The following GOLT1B variants were observed in gnomAD, a reference collection of about 807,000 sequenced individuals.
GOLT1B encodes the protein golgi transport 1B.
Under a neutral mutation model 15.4 loss-of-function variants are expected in GOLT1B, and 3 were observed. That is an observed-to-expected ratio of 0.19 (90% CI 0.09 to 0.50). The LOEUF is 0.50. Ranked by LOEUF, GOLT1B falls within the 20% of genes least tolerant of loss-of-function variation. The probability of loss-of-function intolerance (pLI) is 0.97; values close to 1 mark genes in which losing one functional copy is unlikely to be tolerated. For missense variants in GOLT1B, 145 were observed against 160.4 expected (o/e 0.90, Z 0.52); for synonymous variants, 65 against 56.2 (o/e 1.16, Z -0.70).
chr12:21,504,706 C>T lies in GOLT1B; in HGVS notation c.26-2179C>T, dbSNP rs1479229259. 7.0e-6 allele frequency: 3 copies of T among 429,718 alleles called. No individual in the cohort carries two copies. The Admixed American group carries it at 7.9e-5, about 11-fold the overall frequency. 26.6% of individuals were successfully genotyped at this position (429,718 alleles called of 1,614,324 possible). A position where few individuals can be genotyped will look rare whatever the true frequency, so the allele number is the denominator to read the frequency against. On this transcript the variant is annotated intron_variant, in intron 1 of 4. Transcript: ENST00000229314. ...ATATGAACCATAGGACCAGTGCTACCTTTTACCTCACAATTTTGTTAAAGA... is the reference window on the plus strand; with the variant it reads ...ATATGAACCATAGGACCAGTGCTACTTTTTACCTCACAATTTTGTTAAAGA...
At chr12:21,507,962 A>T (rs1013543894) in intron 2 of GOLT1B, 1 of 454,648 alleles carries the variant, frequency 2.2e-6, no homozygotes, top group Non-Finnish European at 4.4e-6. Context: ...GTAGCCTATG[A>T]TGAATATTTC....
rs1304627698 is a variant in GOLT1B at position 21,503,292 on chromosome 12, C to T, written c.25+1344C>T. Among the ~76,000 whole-genome samples the T allele has an allele frequency of 2.6e-5, 4 of 152,316 alleles. No homozygotes were observed. The East Asian group carries it at 7.7e-4, about 29-fold the overall frequency. On this transcript the variant is annotated intron_variant, in intron 1 of 4. Coordinates refer to ENST00000229314, the MANE Select transcript of GOLT1B (RefSeq NM_016072.5). Reference sequence around the variant, plus strand: ...AAGAGCCCTGTAAGGCTCACAGAAGCATGCCCCTTTCATAAGTTAAATGAG... The same window carrying T: ...AAGAGCCCTGTAAGGCTCACAGAAGTATGCCCCTTTCATAAGTTAAATGAG...
intron 4 of GOLT1B, among the ~76,000 whole-genome samples, chr12:21,513,274 T>TA (rs1725527081): frequency 6.6e-6 from 1 of 152,138 alleles, no homozygotes; most frequent in African/African-American, 2.4e-5. Context: ...AGTTAACAAA[T>TA]AGAGTTTCTT....
rs1943768339 is a variant in GOLT1B at position 21,518,002 on chromosome 12, A to G, written c.*2295A>G. On this transcript the variant is annotated 3_prime_UTR_variant, in exon 5 of 5. Coordinates refer to ENST00000229314, the MANE Select transcript of GOLT1B (RefSeq NM_016072.5). ...ATTGTTCAAGTGTATTTTCTGTAAC[A>G]GAAACATATTTGGAATGTTTTTCTT... 6.6e-6 allele frequency: 1 copy of G among 152,586 alleles called. No individual in the cohort carries two copies. Among genetic ancestry groups the G allele is most frequent in the Non-Finnish European group, 1.5e-5 (1 of 67,978 alleles). 9.5% of individuals were successfully genotyped at this position (152,586 alleles called of 1,614,324 possible).
intron 1 of GOLT1B, among the ~76,000 whole-genome samples, chr12:21,503,987 T>G (rs1018216445): frequency 6.6e-6 from 1 of 152,196 alleles, no homozygotes; most frequent in Admixed American, 6.5e-5. Flanking sequence ...TCCAGTACAG[T>G]TAATGTTCAA....
chr12:21,504,631 T>G (rs771636752), intron 1 of GOLT1B: 2 of 479,396 alleles, frequency 4.2e-6, no homozygotes, highest in Non-Finnish European at 8.3e-6. Context: ...TTTTGCTGCT[T>G]CTATGATCAA....
At chr12:21,511,322 C>T (rs993252231) in intron 3 of GOLT1B, among the ~76,000 whole-genome samples, 3 of 152,088 alleles carry the variant, frequency 2.0e-5, no homozygotes, top group African/African-American at 4.8e-5. Context: ...GGGGGAGGGT[C>T]GCAGATCCCC....
Position 21,508,447 on chromosome 12 carries a change from A to G in GOLT1B, c.182A>G (p.Gln61Arg). ...GLERTFRFFF[Q>R]KHKMKATGFF... ...GAAAGAACATTCAGATTCTTCTTCC[A>G]AAAACATAAAATGAAAGCTACAGGT... Residue 61 changes from glutamine to arginine, a missense_variant, in exon 3 of 5, where the codon CAA (glutamine) becomes CGA (arginine). Physicochemically the swap from Gln to Arg is conservative, Grantham distance 43. Coordinates refer to ENST00000229314, the MANE Select transcript of GOLT1B (RefSeq NM_016072.5). The G allele has an allele frequency of 1.3e-6, 2 of 1,596,620 alleles. No individual in the cohort carries two copies. The highest frequency in any genetic ancestry group is 2.2e-5 in the East Asian group (1 of 44,650).
intron 1 of GOLT1B, chr12:21,504,458 T>C: frequency 4.5e-6 from 2 of 442,838 alleles, no homozygotes; most frequent in South Asian, 3.2e-5. Flanking sequence ...AAAGATGTTT[T>C]GGGCAATGTC....
chr12:21,501,852 C>T lies in GOLT1B; in HGVS notation c.-72C>T, dbSNP rs1483180392. On this transcript the variant is annotated 5_prime_UTR_variant, in exon 1 of 5. Transcript: ENST00000229314. ...TCTCGCCTGGGCTGTTTCCCGGCTT[C>T]ATTTCTCCCGACTCAGCTTCCCACC... 4.6e-6 allele frequency: 5 copies of T among 1,091,922 alleles called. No homozygotes were observed. Among genetic ancestry groups the T allele is most frequent in the South Asian group, 3.8e-5 (3 of 78,052 alleles). The allele number at this position is 1,091,922 out of a possible 1,614,324, so 67.6% of individuals were successfully genotyped here.
At chr12:21,503,836 T>C (rs140655230) in intron 1 of GOLT1B, among the ~76,000 whole-genome samples, 80 of 149,754 alleles carry the variant, frequency 5.3e-4, no homozygotes, top group African/African-American at 2.0e-3. Flanking sequence ...TGGAAATTCA[T>C]GATTATTTTA....
At chr12:21,502,172 G>C (rs539857681) in intron 1 of GOLT1B, among the ~76,000 whole-genome samples, 111 of 152,322 alleles carry the variant, frequency 7.3e-4, no homozygotes, top group African/African-American at 2.5e-3. Flanking sequence ...GGCAGGGTGG[G>C]ACGCCCTATG....
intron 4 of GOLT1B, among the ~76,000 whole-genome samples, chr12:21,514,281 A>G (rs2136810708): frequency 6.6e-6 from 1 of 152,368 alleles, no homozygotes; most frequent in South Asian, 2.1e-4. Flanking sequence ...AGGGAAGTTA[A>G]TCAACTTTCT....
chr12:21,511,424 G>A (rs1241555068), intron 3 of GOLT1B, among the ~76,000 whole-genome samples: 4 of 141,560 alleles, frequency 2.8e-5, no homozygotes, highest in African/African-American at 7.7e-5. Context: ...GGTTTTTATG[G>A]AGGCTTCATT....
chr12:21,516,197 A>G lies in GOLT1B; in HGVS notation c.*490A>G, dbSNP rs1002653414. The stretch of plus-strand genomic sequence containing the variant: ...ATTTTAAAGTATTAAAACCAAGGAA[A>G]CCCCAATTTTGATGTATGGATTACT... On this transcript the variant is annotated 3_prime_UTR_variant, in exon 5 of 5. Transcript: ENST00000229314. The G allele has an allele frequency of 6.6e-6, 1 of 152,188 alleles. No homozygotes were observed. Among genetic ancestry groups the G allele is most frequent in the Non-Finnish European group, 1.5e-5 (1 of 68,026 alleles). 9.4% of individuals were successfully genotyped at this position (152,188 alleles called of 1,614,324 possible).
chr12:21,502,069 A>G, intron 1 of GOLT1B, 121 bp downstream of exon 1: 1 of 762,020 alleles, frequency 1.3e-6, no homozygotes, highest in Non-Finnish European at 2.3e-6. Context: ...CCTGCGAGAC[A>G]GAGCTAGGGC....
At chr12:21,510,721 T>G (rs1943713441) in intron 3 of GOLT1B, among the ~76,000 whole-genome samples, 1 of 152,256 alleles carries the variant, frequency 6.6e-6, no homozygotes, top group African/African-American at 2.4e-5. Context: ...GATTGTGATT[T>G]TCTTTGAAAC....
At chr12:21,504,737 T>C (rs890581521) in intron 1 of GOLT1B, among the ~76,000 whole-genome samples, 2 of 152,232 alleles carry the variant, frequency 1.3e-5, no homozygotes, top group African/African-American at 4.8e-5. Context: ...AAAGAAATTA[T>C]AAAATTTTTG....
intron 4 of GOLT1B, chr12:21,515,284 T>A (rs1325040302): frequency 2.3e-6 from 3 of 1,330,786 alleles, no homozygotes; most frequent in Non-Finnish European, 3.1e-6. Context: ...AGTTGAAATA[T>A]CTTATTGGGT....
Sources: allele counts gnomAD v4.1 joint callset (sites outside exome capture counted in the v4.1 genomes callset), GRCh38; gene constraint gnomAD v4.1.1; transcripts MANE v1.5; gene names NCBI Gene and HGNC (gene_info 2026-07-23, HGNC 2026-07-21).